The following ZNF45 variants were observed in gnomAD, a reference collection of about 807,000 sequenced individuals.
ZNF45 encodes zinc finger protein 45, also known as BRC1744.
A neutral mutation model predicts 12.0 loss-of-function variants in ZNF45; 4 were observed. That is an observed-to-expected ratio of 0.33 (90% CI 0.16 to 0.76). The LOEUF (loss-of-function observed/expected upper bound fraction) is 0.76. Among genes scored for constraint, ZNF45 ranks in the 30% least tolerant of loss-of-function variants. ZNF45 has a pLI of 0.60. For synonymous variants in ZNF45, 272 were observed against 279.6 expected, an observed-to-expected ratio of 0.97 and a Z score of 0.27; for missense variants, 700 against 813.0, an observed-to-expected ratio of 0.86 and a Z score of 1.69.
chr19:43,914,090 C>CA lies in ZNF45; in HGVS notation c.1345dup (p.Cys449LeufsTer40). The CA allele has an allele frequency of 6.2e-7, 1 of 1,614,156 alleles. No individual in the cohort carries two copies. The highest frequency in any genetic ancestry group is 8.5e-7 in the Non-Finnish European group (1 of 1,180,014). On this transcript the variant is annotated frameshift_variant, in exon 10 of 10. Coordinates refer to ENST00000269973, the MANE Select transcript of ZNF45 (RefSeq NM_003425.4). LOFTEE classifies it low-confidence loss of function (END_TRUNC). ...TGAGGCCTGGCTGAAGCCCTTGCCA[C>CA]ACTCCTCACATTTATAGGGTTTTTC...
chr19:43,933,230 G>C (rs1454687913), intron 2 of ZNF45, among the ~76,000 whole-genome samples: 1 of 152,130 alleles, frequency 6.6e-6, no homozygotes, highest in Non-Finnish European at 1.5e-5. Context: ...CAATACTTTG[G>C]GAGGCTGAGG....
At chr19:43,933,703 T>C (rs1974310428) in intron 2 of ZNF45, among the ~76,000 whole-genome samples, 1 of 152,162 alleles carries the variant, frequency 6.6e-6, no homozygotes, top group African/African-American at 2.4e-5. Context: ...AACAATTTCA[T>C]AAAACACAGA....
At chr19:43,920,415 T>G (rs1973033030) in intron 7 of ZNF45, among the ~76,000 whole-genome samples, 1 of 151,288 alleles carries the variant, frequency 6.6e-6, no homozygotes, top group Non-Finnish European at 1.5e-5. Context: ...GATAGTTGTC[T>G]GCTGTGTGGG....
chr19:43,915,384 A>G (rs994446990), intron 9 of ZNF45, among the ~76,000 whole-genome samples, 184 bp from the exon 10 acceptor site: 1 of 152,286 alleles, frequency 6.6e-6, no homozygotes, highest in Non-Finnish European at 1.5e-5. Context: ...ACTCCTACAC[A>G]TAAATTTTCA....
At chr19:43,934,094 T>C (rs1308887355) in intron 2 of ZNF45, among the ~76,000 whole-genome samples, 1 of 152,222 alleles carries the variant, frequency 6.6e-6, no homozygotes. Context: ...GGTATTCAGA[T>C]GTAAGGAACC....
chr19:43,920,996 GAGA>G (rs1973125984), intron 7 of ZNF45, among the ~76,000 whole-genome samples: 1 of 152,170 alleles, frequency 6.6e-6, no homozygotes, highest in Non-Finnish European at 1.5e-5. Context: ...AGTGGTCATA[GAGA>G]AGAAGAGGCC....
intron 3 of ZNF45, among the ~76,000 whole-genome samples, chr19:43,930,396 C>T (rs1974032306): frequency 6.6e-6 from 1 of 152,122 alleles, no homozygotes; most frequent in Middle Eastern, 3.2e-3. Context: ...GTGACCAGAA[C>T]CCCCGAATTA....
chr19:43,913,702 G>T lies in ZNF45; in HGVS notation c.1734C>A (p.His578Gln). 4.3e-6 allele frequency: 7 copies of T among 1,612,714 alleles called. No homozygotes were observed. Among genetic ancestry groups the T allele is most frequent in the Non-Finnish European group, 5.9e-6 (7 of 1,179,712 alleles). ...CACATCGGTATGGTTTTTCTCCTGT[G>T]TGGACTCCACGATGTGCCAGAAAAT... is the stretch of plus-strand genomic sequence containing the variant. ...ASNFLAHRGV[H>Q]TGEKPYRCDV... Residue 578 changes from histidine to glutamine, a missense_variant, in exon 10 of 10, where the codon CAC (histidine) becomes CAA (glutamine). Physicochemically the swap from His to Gln is conservative, Grantham distance 24. Transcript: ENST00000269973.
At chr19:43,923,800 T>G (rs1568458499) in intron 6 of ZNF45, among the ~76,000 whole-genome samples, 1 of 152,026 alleles carries the variant, frequency 6.6e-6, no homozygotes, top group Non-Finnish European at 1.5e-5. Flanking sequence ...TCTATGAATT[T>G]GACTATATGG....
In ZNF45 at chr19:43,914,770, ATTTGTGTATGAT is replaced by A; in HGVS notation, c.654_665del (p.Lys218_Thr221del). On this transcript the variant is annotated inframe_deletion, in exon 10 of 10. Transcript: ENST00000269973. ...GACTAAAACTCCTGTAACTTGCATC[ATTTGTGTATGAT>A]TTTGCTCTACTGTGGACTCTCTGAT... The A allele has an allele frequency of 6.2e-7, 1 of 1,614,094 alleles. No homozygotes were observed. Among genetic ancestry groups the A allele is most frequent in the Non-Finnish European group, 8.5e-7 (1 of 1,180,026 alleles).
chr19:43,920,390 T>C (rs1414367232), intron 7 of ZNF45, among the ~76,000 whole-genome samples: 3 of 151,830 alleles, frequency 2.0e-5, no homozygotes, highest in Non-Finnish European at 4.4e-5. Flanking sequence ...TCAACACTAT[T>C]GCTGTCTTGG....
chr19:43,922,072 T>A, intron 7 of ZNF45, 99 bp downstream of exon 7: 3 of 1,277,650 alleles, frequency 2.3e-6, no homozygotes, highest in Non-Finnish European at 3.3e-6. Context: ...CTCAAATGTC[T>A]ACCGTTCTCC....
In ZNF45 at chr19:43,914,877, C is replaced by T. The variant is rs1047452; in HGVS notation, c.559G>A (p.Ala187Thr). 3,008 of 1,613,450 alleles carry T rather than the reference C, an allele frequency of 1.9e-3. 7 individuals are homozygous for T. Among genetic ancestry groups the T allele is most frequent in the Admixed American group, 2.9e-3 (174 of 59,992 alleles). Residue 187 changes from alanine to threonine, a missense_variant, in exon 10 of 10, where the codon GCA (alanine) becomes ACA (threonine). Ala to Thr is a moderately conservative substitution (Grantham distance 58). Transcript: ENST00000269973. The stretch of plus-strand genomic sequence containing the variant: ...TCACATTTGTAGGGCTTCTCTCCTG[C>T]ATGAGCCCTTTGGTTAATTTGAAGA... ...SHLQINQRAHAGEKPYKCEKC... is the reference protein window; with the variant it reads ...SHLQINQRAHTGEKPYKCEKC...
chr19:43,917,978 T>C (rs1045669914), intron 9 of ZNF45, among the ~76,000 whole-genome samples: 3 of 152,220 alleles, frequency 2.0e-5, no homozygotes, highest in African/African-American at 4.8e-5. Flanking sequence ...CTATCTTCTA[T>C]AACATTTATT....
At chr19:43,918,254 G>C (rs1193032555) in intron 9 of ZNF45, among the ~76,000 whole-genome samples, 1 of 152,212 alleles carries the variant, frequency 6.6e-6, no homozygotes, top group Non-Finnish European at 1.5e-5. Flanking sequence ...CACCAAGTGA[G>C]CAAGATTCAC....
chr19:43,929,184 T>G (rs74724365), intron 3 of ZNF45, among the ~76,000 whole-genome samples: 6,609 of 152,292 alleles, frequency 0.043, 185 homozygotes, highest in Middle Eastern at 0.082. Context: ...ACAGTGGTTC[T>G]CAAACCCTGG....
At chr19:43,922,075 C>T (rs911051184) in intron 7 of ZNF45, 96 bp downstream of exon 7, 19 of 1,316,492 alleles carry the variant, frequency 1.4e-5, no homozygotes, top group Non-Finnish European at 1.8e-5. Flanking sequence ...AAATGTCTAC[C>T]GTTCTCCTTC....
At chr19:43,926,693 G>C (rs967576391) in intron 3 of ZNF45, 1 of 152,162 alleles carries the variant, frequency 6.6e-6, no homozygotes, top group Non-Finnish European at 1.5e-5. Context: ...ATGAGGAATG[G>C]GCTCATAAGC....
intron 3 of ZNF45, among the ~76,000 whole-genome samples, chr19:43,927,735 T>C (rs1344270131): frequency 6.6e-6 from 1 of 152,120 alleles, no homozygotes; most frequent in African/African-American, 2.4e-5. Context: ...AATTCAGCCC[T>C]GAAGAACATA....
Sources: gnomAD v4.1 joint callset for allele counts (sites outside exome capture counted in the v4.1 genomes callset) on GRCh38, gnomAD v4.1.1 for gene constraint, MANE v1.5 for transcripts, NCBI Gene and HGNC (gene_info 2026-07-23, HGNC 2026-07-21) for gene names.